The following GRIP1 variants were observed in gnomAD, a reference collection of about 807,000 sequenced individuals.
GRIP1 encodes glutamate receptor interacting protein 1, also known as glutamate receptor-interacting protein 1.
Under a neutral mutation model 129.9 loss-of-function variants are expected in GRIP1, and 45 were observed. The observed-to-expected ratio is 0.35, with a 90% confidence interval of 0.27 to 0.44. The LOEUF is 0.44. Ranked by LOEUF, GRIP1 falls within the 20% of genes least tolerant of loss-of-function variation. GRIP1 has a pLI of 1.00. For missense variants in GRIP1, 1,196 were observed against 1,396.8 expected, an observed-to-expected ratio of 0.86 and a Z score of 2.29; for synonymous variants, 530 against 520.8, an observed-to-expected ratio of 1.02 and a Z score of -0.24.
chr12:66,800,990 C>G (rs1306940217), intron 1 of GRIP1, among the ~76,000 whole-genome samples: 1 of 152,126 alleles, frequency 6.6e-6, no homozygotes, highest in Non-Finnish European at 1.5e-5. Flanking sequence ...ATTCTCCCCA[C>G]TGAGCATTCC....
At chr12:66,536,964 A>T (rs2061622571) in intron 4 of GRIP1, among the ~76,000 whole-genome samples, 1 of 152,172 alleles carries the variant, frequency 6.6e-6, no homozygotes, top group Non-Finnish European at 1.5e-5. Context: ...GTGGTGCTAG[A>T]ACAGCATAAA....
chr12:66,368,564 T>C (rs1303447606), intron 23 of GRIP1, among the ~76,000 whole-genome samples: 1 of 151,906 alleles, frequency 6.6e-6, no homozygotes, highest in East Asian at 1.9e-4. Context: ...CTCAGGGGAC[T>C]GAAAACCAGC....
chr12:66,390,830 G>A (rs2056555635), intron 19 of GRIP1, among the ~76,000 whole-genome samples: 1 of 152,156 alleles, frequency 6.6e-6, no homozygotes, highest in Admixed American at 6.5e-5. Flanking sequence ...TCAATTCTCA[G>A]GCAATCAGAA....
At chr12:66,972,603 A>G (rs1334583660) in intron 1 of GRIP1, among the ~76,000 whole-genome samples, 1 of 152,204 alleles carries the variant, frequency 6.6e-6, no homozygotes, top group Non-Finnish European at 1.5e-5. Context: ...CCTAGCTCTA[A>G]AACAACCCCA....
intron 23 of GRIP1, among the ~76,000 whole-genome samples, chr12:66,362,561 G>A (rs2054840301): frequency 6.6e-6 from 1 of 151,860 alleles, no homozygotes; most frequent in African/African-American, 2.4e-5. Flanking sequence ...TGAGGGAAAT[G>A]GAGTGACCTT....
intron 1 of GRIP1, among the ~76,000 whole-genome samples, chr12:66,658,947 A>G (rs958139047): frequency 3.3e-5 from 5 of 151,926 alleles, no homozygotes; most frequent in Non-Finnish European, 5.9e-5. Context: ...AAATAAAACA[A>G]AAACAAACGA....
chr12:66,415,891 A>C (rs116527561), intron 15 of GRIP1, among the ~76,000 whole-genome samples: 2 of 152,064 alleles, frequency 1.3e-5, no homozygotes, highest in Admixed American at 1.3e-4. Context: ...GACACATTGG[A>C]AACAACAACA....
At chr12:66,832,505 T>A (rs1421929703) in intron 1 of GRIP1, among the ~76,000 whole-genome samples, 1 of 149,060 alleles carries the variant, frequency 6.7e-6, no homozygotes, top group Non-Finnish European at 1.5e-5. Flanking sequence ...AAAAACTGGA[T>A]TTTTTGTTTA....
In GRIP1 at chr12:66,545,377, C is replaced by T. The variant is rs142455705; in HGVS notation, c.137-3427G>A. The stretch of plus-strand genomic sequence containing the variant: ...ACAAGAGAATTATGAAAAGTTCTTA[C>T]GAACAAATAAGAATATTTAAAAACA... On this transcript the variant is annotated intron_variant, in intron 2 of 24. Coordinates refer to ENST00000359742, the MANE Select transcript of GRIP1 (RefSeq NM_001366722.1). Among the ~76,000 whole-genome samples, 355 of 152,088 alleles carry T rather than the reference C, an allele frequency of 2.3e-3. 2 individuals are homozygous for T. The highest frequency in any genetic ancestry group is 4.8e-3 in the South Asian group (23 of 4,824).
chr12:66,686,890 C>T (rs60017856), intron 1 of GRIP1, among the ~76,000 whole-genome samples: 28,476 of 151,862 alleles, frequency 0.19, 2,921 homozygotes, highest in African/African-American at 0.27. Context: ...GACCTTGTCT[C>T]TACCAAAATA....
rs1409704816 is a variant in GRIP1, at chr12:66,517,897, T to C, written c.578+4A>G. ...GGATAGTGACACAGAAAGATAAAGT[T>C]TACCTGTCAGCAGGCCCTCCAGGAC... On this transcript the variant is annotated splice_donor_region_variant and intron_variant, in intron 6 of 24. Transcript: ENST00000359742. 1 of 1,464,786 alleles carries C rather than the reference T, an allele frequency of 6.8e-7. No homozygotes were observed. Among genetic ancestry groups the C allele is most frequent in the African/African-American group, 1.4e-5 (1 of 72,126 alleles). 90.7% of individuals were successfully genotyped at this position (1,464,786 alleles called of 1,614,324 possible). A position where few individuals can be genotyped will look rare whatever the true frequency, so the allele number is the denominator to read the frequency against.
chr12:66,929,089 C>T (rs1319049254), intron 1 of GRIP1, among the ~76,000 whole-genome samples: 2 of 152,228 alleles, frequency 1.3e-5, no homozygotes, highest in Non-Finnish European at 2.9e-5. Flanking sequence ...GAATAGCAGT[C>T]TCTCCAAATG....
intron 1 of GRIP1, among the ~76,000 whole-genome samples, chr12:66,779,313 T>C (rs1341196778): frequency 1.3e-5 from 2 of 152,200 alleles, no homozygotes; most frequent in Non-Finnish European, 2.9e-5. Context: ...TAGTGTAGCA[T>C]TTATTTTAGT....
chr12:66,538,967 G>A (rs1323911629), intron 4 of GRIP1, 111 bp downstream of exon 4: 1 of 863,264 alleles, frequency 1.2e-6, no homozygotes, highest in Non-Finnish European at 1.9e-6. Context: ...AAGTATGTAT[G>A]TATAGAAAAA....
intron 1 of GRIP1, among the ~76,000 whole-genome samples, chr12:66,991,034 G>A (rs964173744): frequency 4.6e-5 from 7 of 151,406 alleles, no homozygotes; most frequent in African/African-American, 1.4e-4. Flanking sequence ...AGCACTTCGG[G>A]AGACCGAGGC....
At chr12:66,656,962 A>G (rs2033195535) in intron 1 of GRIP1, among the ~76,000 whole-genome samples, 1 of 152,130 alleles carries the variant, frequency 6.6e-6, no homozygotes, top group Non-Finnish European at 1.5e-5. Flanking sequence ...AATTTTCTCT[A>G]CTAGATTGAC....
chr12:66,476,479 C>A (rs1230429399), intron 7 of GRIP1, among the ~76,000 whole-genome samples: 1 of 152,136 alleles, frequency 6.6e-6, no homozygotes, highest in Non-Finnish European at 1.5e-5. Context: ...CTATTCTAAT[C>A]AATAGAAAAA....
chr12:66,408,436 C>T (rs1237142398), intron 15 of GRIP1, among the ~76,000 whole-genome samples: 1 of 152,054 alleles, frequency 6.6e-6, no homozygotes, highest in Non-Finnish European at 1.5e-5. Flanking sequence ...CCGATTGCAC[C>T]ACTGCACTCC....
intron 1 of GRIP1, among the ~76,000 whole-genome samples, chr12:66,976,140 C>T (rs1566831): frequency 0.83 from 126,710 of 152,194 alleles, 53,302 homozygotes; most frequent in African/African-American, 0.94. Flanking sequence ...TAAATTTTGA[C>T]ATGCATCGCT....
Sources: allele counts gnomAD v4.1 joint callset (sites outside exome capture counted in the v4.1 genomes callset), GRCh38; gene constraint gnomAD v4.1.1; transcripts MANE v1.5; gene names NCBI Gene and HGNC (gene_info 2026-07-23, HGNC 2026-07-21).